Variants in CEP164 observed in about 807,000 individuals in gnomAD.
CEP164 encodes centrosomal protein of 164 kDa.
CEP164 carries 162 observed loss-of-function variants against 182.7 expected under a neutral mutation model. That is an observed-to-expected ratio of 0.89 (90% CI 0.78 to 1.01). The LOEUF (loss-of-function observed/expected upper bound fraction) is 1.01. Among genes scored for constraint, CEP164 ranks in the 50% least tolerant of loss-of-function variants. The pLI is 0.00. For missense variants in CEP164, 1,735 were observed against 1,790.4 expected (o/e 0.97, Z 0.56); for synonymous variants, 661 against 690.0 (o/e 0.96, Z 0.66).
intron 8 of CEP164, among the ~76,000 whole-genome samples, chr11:117,364,930 C>T (rs2041449456): frequency 1.3e-5 from 2 of 152,228 alleles, no homozygotes; most frequent in African/African-American, 2.4e-5. Context: ...TTCTAAGTGT[C>T]CCGTTTTTAT....
intron 4 of CEP164, among the ~76,000 whole-genome samples, chr11:117,346,095 G>A (rs1007936892): frequency 1.3e-5 from 2 of 152,154 alleles, no homozygotes; most frequent in Non-Finnish European, 2.9e-5. Flanking sequence ...GGTCATGTTT[G>A]TAGGATGAAT....
Position 117,409,957 on chromosome 11 carries a change from A to G in CEP164, c.4088A>G (p.Tyr1363Cys). Residue 1363 changes from tyrosine (Y) to cysteine (C), a missense_variant, in exon 30 of 33, where the codon TAT becomes TGT. Coordinates refer to ENST00000278935, the MANE Select transcript of CEP164 (RefSeq NM_014956.5). The surrounding 1 kb of genome is among the most constrained non-coding windows in gnomAD (Gnocchi z 4.4). Reference sequence around the variant, plus strand: ...TTCCTGTTGGAGAAGTGGCGCAAGTATTTTCCATGTAAGCCCCACTCTGGG... The same window carrying G: ...TTCCTGTTGGAGAAGTGGCGCAAGTGTTTTCCATGTAAGCCCCACTCTGGG... ...DDFLLEKWRK[Y>C]FPSGIPLLSN... 6.2e-7 allele frequency: 1 copy of G among 1,613,946 alleles called. No individual in the cohort carries two copies. The highest frequency in any genetic ancestry group is 1.3e-5 in the African/African-American group (1 of 74,992).
chr11:117,361,795 T>G, intron 5 of CEP164, 40 bp from the exon 6 acceptor site: 1 of 1,612,380 alleles, frequency 6.2e-7, no homozygotes, highest in Non-Finnish European at 8.5e-7. Flanking sequence ...CAGAGCCACC[T>G]GGTTTCTTGA....
rs201873800 is a variant in CEP164, at chr11:117,395,678, G to A, written c.3045G>A (p.Val1015=). The change falls in exon 24 of 33, where the codon GTG becomes GTA. Residue 1015 remains valine, a synonymous_variant. Coordinates refer to ENST00000278935, the MANE Select transcript of CEP164 (RefSeq NM_014956.5). ...QARKLKLESQ[V]DLLQAQSQQL... ...GCAAGCTGAAGCTGGAGTCCCAAGT[G>A]GATCTGCTGCAGGCTCAGAGCCAGC... 36 of 1,613,198 alleles carry A rather than the reference G, an allele frequency of 2.2e-5. No individual in the cohort carries two copies. The highest frequency in any genetic ancestry group is 2.8e-5 in the Non-Finnish European group (33 of 1,180,000).
At chr11:117,404,757 G>GC (rs1348065374) in intron 27 of CEP164, among the ~76,000 whole-genome samples, 1 of 152,230 alleles carries the variant, frequency 6.6e-6, no homozygotes, top group Non-Finnish European at 1.5e-5. Context: ...GCCCACAGCT[G>GC]CCCCTTCCCC....
At chr11:117,400,472 C>G (rs957234747) in intron 27 of CEP164, among the ~76,000 whole-genome samples, 2 of 152,098 alleles carry the variant, frequency 1.3e-5, no homozygotes, top group Non-Finnish European at 2.9e-5. Flanking sequence ...TATACAGGCT[C>G]TTTTTTGGTT....
chr11:117,333,958 A>G (rs1170495415), intron 1 of CEP164, among the ~76,000 whole-genome samples: 2 of 152,128 alleles, frequency 1.3e-5, no homozygotes, highest in Non-Finnish European at 2.9e-5. Context: ...TTTTGCATGC[A>G]TCTGTTAGAA....
At chr11:117,365,777 A>G (rs190314414) in intron 8 of CEP164, among the ~76,000 whole-genome samples, 155 of 152,046 alleles carry the variant, frequency 1.0e-3, no homozygotes, top group African/African-American at 3.4e-3. Flanking sequence ...ACGGGGTTTC[A>G]CCATGTTGGC....
At chr11:117,357,780 G>A (rs1348298053) in intron 5 of CEP164, among the ~76,000 whole-genome samples, 1 of 151,786 alleles carries the variant, frequency 6.6e-6, no homozygotes, top group Non-Finnish European at 1.5e-5. Context: ...CATCCAGTGA[G>A]CTGCTTCTGC....
Position 117,391,130 on chromosome 11 carries a change from A to G in CEP164, c.2198A>G (p.Glu733Gly), listed in dbSNP as rs746693932. 9 of 1,613,834 alleles carry G rather than the reference A, an allele frequency of 5.6e-6. No individual in the cohort carries two copies. In the Admixed American group the frequency reaches 1.2e-4, roughly 21 times the overall value. Reference protein sequence around the residue: ...EQLKEEIEASEKSEQAALNAA... With the variant: ...EQLKEEIEASGKSEQAALNAA... ...CTCAAGGAAGAGATAGAGGCTTCGG[A>G]GAAGAGCGAGCAGGCTGCCCTGAAT... Residue 733 changes from glutamate (E) to glycine (G), a missense_variant, in exon 17 of 33, where the codon GAG becomes GGG. Glu to Gly is a moderately conservative substitution (Grantham distance 98). Coordinates refer to ENST00000278935, the MANE Select transcript of CEP164 (RefSeq NM_014956.5).
chr11:117,329,534 AGTTT>A (rs964192224), intron 1 of CEP164, among the ~76,000 whole-genome samples: 6 of 151,670 alleles, frequency 4.0e-5, no homozygotes, highest in Non-Finnish European at 5.9e-5. Context: ...ACCTTGGGCA[AGTTT>A]GTTTGTTTGT....
intron 14 of CEP164, chr11:117,386,701 T>A (rs2043997821): frequency 6.4e-6 from 1 of 156,382 alleles, no homozygotes; most frequent in South Asian, 1.9e-4. Flanking sequence ...TACCTGCTGC[T>A]GCTTCTTTCA....
chr11:117,346,894 G>T (rs557342792), intron 4 of CEP164, among the ~76,000 whole-genome samples: 1 of 151,812 alleles, frequency 6.6e-6, no homozygotes, highest in African/African-American at 2.4e-5. Context: ...TAAAATGTAG[G>T]TATATATATA....
intron 5 of CEP164, among the ~76,000 whole-genome samples, chr11:117,353,665 C>T (rs142170841): frequency 4.1e-4 from 62 of 152,290 alleles, no homozygotes; most frequent in African/African-American, 1.2e-3. Flanking sequence ...TCTTAGGGCT[C>T]AGGACAGGTG....
In CEP164 at chr11:117,396,197, G is replaced by T; in HGVS notation, c.3216+17G>T. 6.5e-7 allele frequency: 1 copy of T among 1,542,782 alleles called. No individual in the cohort carries two copies. Among genetic ancestry groups the T allele is most frequent in the South Asian group, 1.1e-5 (1 of 90,428 alleles). On this transcript the variant is annotated intron_variant, in intron 25 of 32. Coordinates refer to ENST00000278935, the MANE Select transcript of CEP164 (RefSeq NM_014956.5). ...CTTGGAACAGTGAGCTGGGGGCTGG[G>T]GCCTGGGGGCTGGGGCACCAGGATG... is the stretch of plus-strand genomic sequence containing the variant.
At chr11:117,364,825 C>G (rs1412602339) in intron 8 of CEP164, among the ~76,000 whole-genome samples, 2 of 152,118 alleles carry the variant, frequency 1.3e-5, no homozygotes, top group African/African-American at 2.4e-5. Flanking sequence ...TTAGACTTTG[C>G]CTGTAACCTC....
At chr11:117,364,490 G>A (rs990607053) in intron 8 of CEP164, among the ~76,000 whole-genome samples, 11 of 152,070 alleles carry the variant, frequency 7.2e-5, no homozygotes, top group African/African-American at 2.2e-4. Flanking sequence ...AGTTTCAGAT[G>A]TGCTGGCTGA....
Position 117,380,614 on chromosome 11 carries a change from G to A in CEP164, c.1318G>A (p.Ala440Thr). The change falls in exon 12 of 33, where the codon GCC (alanine) becomes ACC (threonine). Residue 440 changes from alanine to threonine, a missense_variant and splice_region_variant. Transcript: ENST00000278935. ...SPVLGGACRQ[A>T]QQPLGIEDKD... ...ACTTTTTATTGCTTCTCTCCTACAG[G>A]CCCAGCAACCACTGGGAATAGAAGA... 1 of 1,596,352 alleles carries A rather than the reference G, an allele frequency of 6.3e-7. No individual in the cohort carries two copies. Among genetic ancestry groups the A allele is most frequent in the South Asian group, 1.1e-5 (1 of 87,846 alleles).
chr11:117,395,285 A>C, intron 23 of CEP164, 94 bp downstream of exon 23: 1 of 1,448,752 alleles, frequency 6.9e-7, no homozygotes, highest in East Asian at 2.3e-5. Context: ...TGATCTGTCC[A>C]GGGCACTGGG....
Sources: allele counts gnomAD v4.1 joint callset (sites outside exome capture counted in the v4.1 genomes callset), GRCh38; gene constraint gnomAD v4.1.1; non-coding constraint Gnocchi (gnomAD v3.1); transcripts MANE v1.5; gene names NCBI Gene and HGNC (gene_info 2026-07-23, HGNC 2026-07-21).